Variants in ANKS1B observed in about 807,000 individuals in gnomAD.
ANKS1B encodes the protein ankyrin repeat and sterile alpha motif domain containing 1B.
In ANKS1B, 36 loss-of-function variants were observed where a neutral mutation model predicts 148.3. The ratio of observed to expected loss-of-function variants is 0.24; its 90% CI spans 0.19 to 0.32. The LOEUF (loss-of-function observed/expected upper bound fraction) is 0.32. Ranked by LOEUF, ANKS1B falls within the 10% of genes least tolerant of loss-of-function variation. The pLI, the probability that ANKS1B is intolerant of heterozygous loss-of-function variation, is 1.00. For missense variants in ANKS1B, 1,157 were observed against 1,542.6 expected (o/e 0.75, Z 4.19); for synonymous variants, 542 against 560.8 (o/e 0.97, Z 0.47).
At chr12:99,090,996 C>T (rs1463014110) in intron 15 of ANKS1B, among the ~76,000 whole-genome samples, 1 of 152,018 alleles carries the variant, frequency 6.6e-6, no homozygotes, top group African/African-American at 2.4e-5. Context: ...TACCCTAATC[C>T]TCCATTTAAA....
chr12:99,349,184 G>C (rs2091109124), intron 12 of ANKS1B, among the ~76,000 whole-genome samples: 1 of 151,642 alleles, frequency 6.6e-6, no homozygotes, highest in Non-Finnish European at 1.5e-5. Flanking sequence ...GAAATGTTCA[G>C]AAAAGTAAAT....
intron 9 of ANKS1B, among the ~76,000 whole-genome samples, chr12:99,638,767 C>G (rs1448781496): frequency 1.3e-5 from 2 of 152,194 alleles, no homozygotes; most frequent in African/African-American, 4.8e-5. Context: ...CCCCTCCAAT[C>G]ACAGGTCCTG....
chr12:99,107,234 C>CCATTTT (rs2059414024), intron 15 of ANKS1B, among the ~76,000 whole-genome samples: 1 of 152,120 alleles, frequency 6.6e-6, no homozygotes, highest in Non-Finnish European at 1.5e-5. Flanking sequence ...CCCACTTTTA[C>CCATTTT]ACGTGCCTCT....
At chr12:99,399,543 T>C in intron 12 of ANKS1B, 88 bp downstream of exon 12, 1 of 1,396,366 alleles carries the variant, frequency 7.2e-7, no homozygotes, top group Non-Finnish European at 9.8e-7. Context: ...ACAATGCAAT[T>C]TGTACGAAGA....
chr12:99,661,398 T>C (rs2098476916), intron 8 of ANKS1B, among the ~76,000 whole-genome samples: 1 of 152,212 alleles, frequency 6.6e-6, no homozygotes, highest in Non-Finnish European at 1.5e-5. Context: ...CTTTGTAATT[T>C]TGAGTTGGTC....
At chr12:99,166,778 T>C (rs1233668566) in intron 14 of ANKS1B, among the ~76,000 whole-genome samples, 1 of 152,036 alleles carries the variant, frequency 6.6e-6, no homozygotes, top group African/African-American at 2.4e-5. Flanking sequence ...AAATTTCATA[T>C]GAAGTGCAAA....
At chr12:99,728,190 C>A (rs1309422868) in intron 8 of ANKS1B, among the ~76,000 whole-genome samples, 1 of 152,096 alleles carries the variant, frequency 6.6e-6, no homozygotes, top group Non-Finnish European at 1.5e-5. Context: ...AGTGAACAGG[C>A]AACCTACAGA....
At chr12:98,814,048 T>C (rs2099119212) in intron 19 of ANKS1B, among the ~76,000 whole-genome samples, 1 of 87,178 alleles carries the variant, frequency 1.1e-5, no homozygotes, top group Non-Finnish European at 2.3e-5. Flanking sequence ...ATCTGGCTGA[T>C]TTTTGTATTT....
chr12:99,619,873 T>C (rs1378686309), intron 9 of ANKS1B, among the ~76,000 whole-genome samples: 1 of 152,186 alleles, frequency 6.6e-6, no homozygotes, highest in African/African-American at 2.4e-5. Context: ...TTGGAGGACC[T>C]GTTGGCAGAC....
chr12:99,267,983 G>A (rs530561223), intron 12 of ANKS1B, among the ~76,000 whole-genome samples: 1 of 152,288 alleles, frequency 6.6e-6, no homozygotes, highest in Non-Finnish European at 1.5e-5. Flanking sequence ...TAATGTTTGA[G>A]GGATATAAGT....
At chr12:99,619,343 C>T (rs12308308) in intron 9 of ANKS1B, among the ~76,000 whole-genome samples, 1 of 151,960 alleles carries the variant, frequency 6.6e-6, no homozygotes, top group Non-Finnish European at 1.5e-5. Flanking sequence ...TACAGTGGGG[C>T]CCTCTCTATT....
chr12:99,719,069 G>T (rs2057774973), intron 8 of ANKS1B, among the ~76,000 whole-genome samples: 1 of 152,160 alleles, frequency 6.6e-6, no homozygotes, highest in African/African-American at 2.4e-5. Context: ...TTACAGAAGA[G>T]CCAGGACTGC....
intron 25 of ANKS1B, among the ~76,000 whole-genome samples, chr12:98,756,975 C>G (rs563662444): frequency 1.7e-4 from 26 of 151,722 alleles, no homozygotes; most frequent in Admixed American, 1.7e-3. Context: ...GTGATCCATC[C>G]GCCTCGGCCT....
chr12:99,908,223 T>G (rs2093863007), intron 1 of ANKS1B, among the ~76,000 whole-genome samples: 1 of 152,142 alleles, frequency 6.6e-6, no homozygotes, highest in Non-Finnish European at 1.5e-5. Flanking sequence ...TTTTGTTTAT[T>G]CAATATCTAC....
intron 10 of ANKS1B, among the ~76,000 whole-genome samples, chr12:99,493,145 A>C (rs976073940): frequency 6.6e-6 from 1 of 152,148 alleles, no homozygotes; most frequent in African/African-American, 2.4e-5. Context: ...ATTGAAAATA[A>C]CTCTTGTCAG....
In ANKS1B at chr12:99,844,314, C is replaced by T. The variant is rs1418301373; in HGVS notation, c.135-18925G>A. 2.6e-5 allele frequency among the ~76,000 whole-genome samples: 4 copies of T among 152,060 alleles called. No individual in the cohort carries two copies. The East Asian group carries it at 7.7e-4, about 29-fold the overall frequency. On this transcript the variant is annotated intron_variant, in intron 1 of 26. Transcript: ENST00000683438. ...GAATTTTCATCATGAAGTCTTTGTC[C>T]ATGCCTATGTCCTGAATGATATTGC...
chr12:99,016,122 T>A (rs2099942386), intron 17 of ANKS1B, among the ~76,000 whole-genome samples: 2 of 152,220 alleles, frequency 1.3e-5, no homozygotes. Flanking sequence ...AATTAAAACT[T>A]CATTTGCAGG....
intron 17 of ANKS1B, among the ~76,000 whole-genome samples, chr12:98,908,463 T>C (rs189459065): frequency 8.5e-4 from 129 of 152,308 alleles, no homozygotes; most frequent in African/African-American, 2.8e-3. Flanking sequence ...GTTTATACAC[T>C]GGGGTGGTTC....
chr12:99,823,478 G>A (rs2082766183), intron 2 of ANKS1B, among the ~76,000 whole-genome samples: 1 of 152,004 alleles, frequency 6.6e-6, no homozygotes, highest in African/African-American at 2.4e-5. Context: ...GCTAATTTTT[G>A]TAATTTTAGT....
Sources: gnomAD v4.1 joint callset for allele counts (sites outside exome capture counted in the v4.1 genomes callset) on GRCh38, gnomAD v4.1.1 for gene constraint, MANE v1.5 for transcripts, NCBI Gene and HGNC (gene_info 2026-07-23, HGNC 2026-07-21) for gene names.